NOL4: variants seen among roughly 807,000 people sequenced by gnomAD.
The protein encoded by NOL4 is nucleolar protein 4, also known as cancer/testis antigen 125.
In NOL4, 17 loss-of-function variants were observed where a neutral mutation model predicts 75.9. That is an observed-to-expected ratio of 0.22 (90% confidence interval 0.15 to 0.34). NOL4 has a LOEUF of 0.34. NOL4 is among the 10% of genes least tolerant of loss of function. The pLI is 1.00. For missense variants in NOL4, 614 were observed against 793.5 expected, an observed-to-expected ratio of 0.77 and a Z score of 2.72; for synonymous variants, 292 against 289.9, an observed-to-expected ratio of 1.01 and a Z score of -0.07.
At chr18:33,969,329 GA>G (rs2070861048) in intron 6 of NOL4, among the ~76,000 whole-genome samples, 4 of 152,010 alleles carry the variant, frequency 2.6e-5, no homozygotes, top group African/African-American at 7.2e-5. Context: ...CTCATTATCA[GA>G]GAAATATTCT....
chr18:34,030,443 T>G (rs1167902666), intron 5 of NOL4, among the ~76,000 whole-genome samples: 1 of 151,924 alleles, frequency 6.6e-6, no homozygotes, highest in African/African-American at 2.4e-5. Flanking sequence ...AATTCCTCAA[T>G]AGAAGGATGG....
At chr18:34,074,279 ACTT>A (rs531824094) in intron 5 of NOL4, among the ~76,000 whole-genome samples, 2 of 151,794 alleles carry the variant, frequency 1.3e-5, no homozygotes, top group South Asian at 4.2e-4. Context: ...TTTCATTAAA[ACTT>A]AAATTAACAA....
At chr18:34,064,948 C>CAA (rs1555711656) in intron 5 of NOL4, among the ~76,000 whole-genome samples, 884 of 59,364 alleles carry the variant, frequency 0.015, 28 homozygotes, top group African/African-American at 0.037. Flanking sequence ...CACACACACA[C>CAA]ACACATCATA....
chr18:33,859,948 C>T (rs1227645498), intron 10 of NOL4, among the ~76,000 whole-genome samples: 2 of 151,876 alleles, frequency 1.3e-5, no homozygotes, highest in Non-Finnish European at 2.9e-5. Context: ...AAAATAAATA[C>T]CCAAGACTGG....
chr18:33,919,185 T>C (rs1297120957), intron 9 of NOL4, among the ~76,000 whole-genome samples: 1 of 152,168 alleles, frequency 6.6e-6, no homozygotes, highest in East Asian at 1.9e-4. Flanking sequence ...TTGGACCCTG[T>C]TGCCATTGCT....
At chr18:34,033,303 A>G (rs980549603) in intron 5 of NOL4, among the ~76,000 whole-genome samples, 2 of 152,182 alleles carry the variant, frequency 1.3e-5, no homozygotes, top group Non-Finnish European at 2.9e-5. Context: ...CAATTTAAAG[A>G]AATCAGAAAA....
intron 9 of NOL4, among the ~76,000 whole-genome samples, chr18:33,896,429 A>C (rs1022208278): frequency 6.6e-6 from 1 of 152,224 alleles, no homozygotes; most frequent in Non-Finnish European, 1.5e-5. Context: ...GTACAAAAAC[A>C]GGCACATAGA....
chr18:33,909,306 T>A (rs1045914273), intron 9 of NOL4, among the ~76,000 whole-genome samples: 1 of 152,178 alleles, frequency 6.6e-6, no homozygotes, highest in African/African-American at 2.4e-5. Context: ...ATAATTTCCC[T>A]GCAAGATCTC....
At chr18:34,172,519 T>A (rs1291120029) in intron 1 of NOL4, among the ~76,000 whole-genome samples, 1 of 152,144 alleles carries the variant, frequency 6.6e-6, no homozygotes, top group African/African-American at 2.4e-5. Flanking sequence ...AAGATACTGA[T>A]TTCATTCTTT....
Position 34,223,165 on chromosome 18 carries a change from C to T in NOL4, c.89G>A (p.Arg30His). The change falls in exon 1 of 11, where the codon CGT (arginine) becomes CAT (histidine). Residue 30 changes from arginine to histidine, a missense_variant. This residue lies in a region of NOL4 where 35 missense variants were observed against 29.2 expected (regional missense o/e 1.20). Transcript: ENST00000261592. ...GDSGKTKTVT[R>H]KKYERIVQLL... ...CTGGACGATCCGTTCGTATTTTTTACGGGTCACCGTCTTGGTCTTGCCTGA... is the reference window on the plus strand; with the variant it reads ...CTGGACGATCCGTTCGTATTTTTTATGGGTCACCGTCTTGGTCTTGCCTGA... The T allele has an allele frequency of 6.2e-7, 1 of 1,614,220 alleles. No individual in the cohort carries two copies. The highest frequency in any genetic ancestry group is 8.5e-7 in the Non-Finnish European group (1 of 1,180,046).
At chr18:34,176,722 GC>G (rs879932123) in intron 1 of NOL4, among the ~76,000 whole-genome samples, 1 of 152,076 alleles carries the variant, frequency 6.6e-6, no homozygotes, top group African/African-American at 2.4e-5. Flanking sequence ...TCATCTACAA[GC>G]CAGGAAGAGA....
intron 6 of NOL4, among the ~76,000 whole-genome samples, chr18:33,976,928 T>C (rs2071532802): frequency 6.6e-6 from 1 of 152,186 alleles, no homozygotes; most frequent in South Asian, 2.1e-4. Flanking sequence ...CAATTGCTGC[T>C]TAACAATGGA....
chr18:34,175,902 A>G (rs892564543), intron 1 of NOL4, among the ~76,000 whole-genome samples: 11 of 152,140 alleles, frequency 7.2e-5, no homozygotes, highest in African/African-American at 2.7e-4. Context: ...ATATAATATT[A>G]TTTAAAATAT....
rs146834318 is a variant in NOL4 at position 33,853,335 on chromosome 18, A to G, written c.1724-300T>C. On this transcript the variant is annotated intron_variant, in intron 10 of 10. Coordinates refer to ENST00000261592, the MANE Select transcript of NOL4 (RefSeq NM_003787.5). Reference sequence around the variant, plus strand: ...TGTTTTTTGAAAAATTCAATTTTAAATCTGTCTTCCATATGTTGTAGACGC... The same window carrying G: ...TGTTTTTTGAAAAATTCAATTTTAAGTCTGTCTTCCATATGTTGTAGACGC... Among the ~76,000 whole-genome samples, 639 of 152,242 alleles carry G rather than the reference A, an allele frequency of 4.2e-3. 2 individuals carry two copies. The highest frequency in any genetic ancestry group is 0.041 in the Middle Eastern group (12 of 294).
At chr18:34,077,317 C>T (rs1175602252) in intron 5 of NOL4, among the ~76,000 whole-genome samples, 1 of 151,882 alleles carries the variant, frequency 6.6e-6, no homozygotes, top group East Asian at 1.9e-4. Context: ...AAAAACAAAA[C>T]AAAACAATAC....
At chr18:33,854,435 C>T (rs753632445) in intron 10 of NOL4, among the ~76,000 whole-genome samples, 2 of 152,066 alleles carry the variant, frequency 1.3e-5, no homozygotes, top group Non-Finnish European at 2.9e-5. Flanking sequence ...TCCATTTGTT[C>T]TGCTATTTAC....
intron 4 of NOL4, among the ~76,000 whole-genome samples, chr18:34,098,320 G>C (rs368529008): frequency 6.6e-6 from 1 of 152,144 alleles, no homozygotes; most frequent in Admixed American, 6.5e-5. Context: ...AAAGCTGTCA[G>C]TTAAGAAGTC....
chr18:34,054,453 G>C (rs533442072), intron 5 of NOL4, among the ~76,000 whole-genome samples: 1 of 151,810 alleles, frequency 6.6e-6, no homozygotes, highest in East Asian at 1.9e-4. Flanking sequence ...ATAATTATGT[G>C]ATATTATTAT....
chr18:34,107,350 T>C (rs1195120201), intron 2 of NOL4, among the ~76,000 whole-genome samples: 2 of 152,170 alleles, frequency 1.3e-5, no homozygotes. Context: ...AAAGCCCACT[T>C]TGTATCTTAG....
Sources: allele counts gnomAD v4.1 joint callset (sites outside exome capture counted in the v4.1 genomes callset), GRCh38; gene constraint gnomAD v4.1.1; regional missense constraint gnomAD v4.1.1; transcripts MANE v1.5; gene names NCBI Gene and HGNC (gene_info 2026-07-23, HGNC 2026-07-21).